HHLA1: variants seen among roughly 807,000 people sequenced by gnomAD.
HHLA1 encodes the protein HERV-H LTR-associating protein 1.
Under a neutral mutation model 69.9 loss-of-function variants are expected in HHLA1, and 72 were observed. The observed-to-expected ratio is 1.03, with a 90% confidence interval of 0.85 to 1.25. The LOEUF is 1.25. HHLA1 is among the 50% of genes most tolerant of loss of function. The probability of loss-of-function intolerance (pLI) is 0.00; values close to 1 mark genes in which losing one functional copy is unlikely to be tolerated. For missense variants in HHLA1, 685 were observed against 642.2 expected, an observed-to-expected ratio of 1.07 and a Z score of -0.72; for synonymous variants, 252 against 233.2, an observed-to-expected ratio of 1.08 and a Z score of -0.73.
intron 4 of HHLA1, among the ~76,000 whole-genome samples, chr8:132,099,545 C>T (rs988411310): frequency 1.1e-4 from 16 of 152,150 alleles, no homozygotes; most frequent in African/African-American, 3.4e-4. Flanking sequence ...CCACTTCCCC[C>T]GGCTATTCCT....
At chr8:132,089,737 GA>G (rs754023324) in intron 7 of HHLA1, 138 bp from the exon 8 acceptor site, 63 of 623,692 alleles carry the variant, frequency 1.0e-4, no homozygotes, top group Non-Finnish European at 1.6e-4. Flanking sequence ...CAATGATACA[GA>G]GAAATACTAC....
chr8:132,086,631 G>C (rs1823868963), intron 10 of HHLA1, among the ~76,000 whole-genome samples: 1 of 152,138 alleles, frequency 6.6e-6, no homozygotes, highest in South Asian at 2.1e-4. Flanking sequence ...GTGTGTTGAG[G>C]GGGGTGTGGT....
chr8:132,108,049 A>G (rs1261775250), intron 1 of HHLA1, among the ~76,000 whole-genome samples: 1 of 152,206 alleles, frequency 6.6e-6, no homozygotes, highest in Non-Finnish European at 1.5e-5. Flanking sequence ...ACCTTCACTC[A>G]GTCAAAAAGC....
At chr8:132,080,242 G>T (rs995527884) in intron 10 of HHLA1, 8 of 488,922 alleles carry the variant, frequency 1.6e-5, no homozygotes, top group African/African-American at 1.6e-4. Context: ...TAAATTTCAT[G>T]TGCGTCCGTG....
At chr8:132,084,286 G>A (rs1046217577) in intron 10 of HHLA1, among the ~76,000 whole-genome samples, 48 of 151,658 alleles carry the variant, frequency 3.2e-4, no homozygotes, top group Non-Finnish European at 6.2e-4. Context: ...TCGGCCTGGC[G>A]AGGAGCAGCC....
chr8:132,075,162 C>G (rs567815232), intron 14 of HHLA1, among the ~76,000 whole-genome samples: 4 of 152,296 alleles, frequency 2.6e-5, no homozygotes, highest in African/African-American at 9.6e-5. Context: ...GGTTCATTCA[C>G]TATTCACTGC....
intron 10 of HHLA1, among the ~76,000 whole-genome samples, chr8:132,082,905 G>C (rs1041037857): frequency 2.6e-5 from 4 of 151,824 alleles, no homozygotes; most frequent in South Asian, 2.1e-4. Context: ...AGTTTATAGG[G>C]TTTAAAAGGC....
At chr8:132,101,656 C>T (rs1235225188) in intron 3 of HHLA1, among the ~76,000 whole-genome samples, 1 of 151,662 alleles carries the variant, frequency 6.6e-6, no homozygotes, top group East Asian at 1.9e-4. Flanking sequence ...TCACTGCAAC[C>T]TCTGTCTCCT....
At chr8:132,079,402 T>G (rs1244402031) in intron 11 of HHLA1, among the ~76,000 whole-genome samples, 3 of 152,258 alleles carry the variant, frequency 2.0e-5, no homozygotes, top group Non-Finnish European at 4.4e-5. Context: ...ACATTAGCAT[T>G]GAAGGAGGCT....
chr8:132,099,682 C>T (rs576719087), intron 4 of HHLA1, among the ~76,000 whole-genome samples: 3 of 152,148 alleles, frequency 2.0e-5, no homozygotes, highest in East Asian at 3.9e-4. Flanking sequence ...GGTGAAACCC[C>T]ATAGCTACTA....
rs192755921 is a variant in HHLA1, at chr8:132,085,232, G to A, written c.676+2421C>T. Among the ~76,000 whole-genome samples the A allele has an allele frequency of 3.4e-3, 513 of 152,308 alleles. 4 individuals are homozygous for A. Among genetic ancestry groups the A allele is most frequent in the African/African-American group, 0.011 (472 of 41,558 alleles). ...GCTGCCTTCCCAGTCCGTGACCGGCGCTGGAGTTTTGGGTTCACGGATAAA... is the reference window on the plus strand; with the variant it reads ...GCTGCCTTCCCAGTCCGTGACCGGCACTGGAGTTTTGGGTTCACGGATAAA... On this transcript the variant is annotated intron_variant, in intron 10 of 16. Coordinates refer to ENST00000414222, the MANE Select transcript of HHLA1 (RefSeq NM_001145095.3).
At chr8:132,078,147 G>GCATTGTTT (rs920263073) in intron 11 of HHLA1, among the ~76,000 whole-genome samples, 176 bp from the exon 12 acceptor site, 5 of 149,824 alleles carry the variant, frequency 3.3e-5, no homozygotes, top group South Asian at 4.2e-4. Context: ...ACCAAAGTAA[G>GCATTGTTT]CATTGTTTTC....
At chr8:132,094,926 G>C (rs1358832814) in intron 7 of HHLA1, among the ~76,000 whole-genome samples, 1 of 152,116 alleles carries the variant, frequency 6.6e-6, no homozygotes, top group East Asian at 1.9e-4. Context: ...CTCTAAAATA[G>C]GGAACACATA....
chr8:132,076,155 A>G (rs894222557), intron 13 of HHLA1, 26 bp from the exon 14 acceptor site: 9 of 1,515,340 alleles, frequency 5.9e-6, no homozygotes, highest in Admixed American at 2.0e-5. Flanking sequence ...ATGGCCTTCC[A>G]GAAGTCAGAA....
At chr8:132,104,251 G>T in intron 2 of HHLA1, 84 bp from the exon 3 acceptor site, 1 of 924,976 alleles carries the variant, frequency 1.1e-6, no homozygotes, top group African/African-American at 1.6e-5. Flanking sequence ...CCATTTTACA[G>T]ATGAGAGAAT....
intron 10 of HHLA1, 162 bp from the exon 11 acceptor site, chr8:132,080,128 C>A: frequency 1.0e-6 from 1 of 966,006 alleles, no homozygotes; most frequent in East Asian, 2.6e-5. Context: ...ATTCTGACCC[C>A]TGTCAGAGCC....
chr8:132,079,167 T>G (rs1007759665), intron 11 of HHLA1, among the ~76,000 whole-genome samples: 1 of 152,248 alleles, frequency 6.6e-6, no homozygotes, highest in Non-Finnish European at 1.5e-5. Context: ...CGCAAGATGC[T>G]GGGGAGGCAG....
At chr8:132,096,212 T>A (rs56320025) in intron 5 of HHLA1, among the ~76,000 whole-genome samples, 1 of 151,992 alleles carries the variant, frequency 6.6e-6, no homozygotes, top group Admixed American at 6.6e-5. Flanking sequence ...CTCTCTCAGC[T>A]CTGGCGGCTG....
chr8:132,066,118 G>A (rs914567032), intron 15 of HHLA1, 150 bp from the exon 16 acceptor site: 1 of 367,586 alleles, frequency 2.7e-6, no homozygotes, highest in Non-Finnish European at 5.4e-6. Context: ...AAGGGTGTCA[G>A]AGGAGAGATA....
Sources: allele counts gnomAD v4.1 joint callset (sites outside exome capture counted in the v4.1 genomes callset), GRCh38; gene constraint gnomAD v4.1.1; transcripts MANE v1.5; gene names NCBI Gene and HGNC (gene_info 2026-07-23, HGNC 2026-07-21).